Variants in TBCK observed in about 807,000 individuals in gnomAD.
TBCK encodes the protein TBC1 domain containing kinase, also known as TBC domain-containing protein kinase-like protein.
In TBCK, 99 loss-of-function variants were observed where a neutral mutation model predicts 113.4. The observed-to-expected ratio is 0.87, with a 90% CI of 0.74 to 1.03. TBCK has a LOEUF of 1.03. Among genes scored for constraint, TBCK ranks in the 50% least tolerant of loss-of-function variants. The probability of loss-of-function intolerance (pLI) is 0.00; values close to 1 mark genes in which losing one functional copy is unlikely to be tolerated. For missense variants in TBCK, 1,045 were observed against 1,061.3 expected (o/e 0.98, Z 0.21); for synonymous variants, 369 against 370.8 (o/e 1.00, Z 0.05).
chr4:106,295,045 G>T (rs1484828963), intron 3 of TBCK, 49 bp downstream of exon 3: 1 of 1,486,074 alleles, frequency 6.7e-7, no homozygotes, highest in Admixed American at 2.0e-5. Flanking sequence ...ATGCCTTTTT[G>T]TTTGCCAAGT....
chr4:106,261,346 GATTAT>G (rs2150097775), intron 4 of TBCK, among the ~76,000 whole-genome samples: 1 of 152,078 alleles, frequency 6.6e-6, no homozygotes, highest in African/African-American at 2.4e-5. Flanking sequence ...GCATTGGTGT[GATTAT>G]AGCTCACTGC....
At chr4:106,283,837 G>A (rs1764862338) in intron 3 of TBCK, among the ~76,000 whole-genome samples, 1 of 152,030 alleles carries the variant, frequency 6.6e-6, no homozygotes, top group Admixed American at 6.6e-5. Context: ...TAACATAGCA[G>A]AAAAAGTGGG....
At chr4:106,206,197 T>C (rs998137808) in intron 20 of TBCK, among the ~76,000 whole-genome samples, 5 of 152,144 alleles carry the variant, frequency 3.3e-5, no homozygotes, top group African/African-American at 1.2e-4. Flanking sequence ...TTCACCTGTT[T>C]CTGGACAGCA....
At chr4:106,273,698 T>C (rs116239569) in intron 3 of TBCK, among the ~76,000 whole-genome samples, 2,571 of 152,258 alleles carry the variant, frequency 0.017, 34 homozygotes, top group Middle Eastern at 0.099. Flanking sequence ...ATTGAAGTGA[T>C]GTGGCCACAA....
At chr4:106,257,390 C>T (rs1762105236) in intron 5 of TBCK, among the ~76,000 whole-genome samples, 1 of 152,050 alleles carries the variant, frequency 6.6e-6, no homozygotes, top group Non-Finnish European at 1.5e-5. Flanking sequence ...ATTAAGTAGG[C>T]ATTCAAATAT....
chr4:106,178,214 T>C (rs1372824625), intron 22 of TBCK, among the ~76,000 whole-genome samples: 1 of 152,004 alleles, frequency 6.6e-6, no homozygotes, highest in Non-Finnish European at 1.5e-5. Flanking sequence ...TTCTAACAGT[T>C]TTTTGGTGAA....
At chr4:106,120,345 C>T (rs1578958294) in intron 23 of TBCK, among the ~76,000 whole-genome samples, 2 of 152,206 alleles carry the variant, frequency 1.3e-5, no homozygotes, top group East Asian at 3.9e-4. Flanking sequence ...ATTGCTAGCA[C>T]AGCAGTCTGA....
At chr4:106,221,559 T>G (rs905403277) in intron 19 of TBCK, among the ~76,000 whole-genome samples, 5 of 152,044 alleles carry the variant, frequency 3.3e-5, no homozygotes, top group African/African-American at 1.2e-4. Flanking sequence ...CTATGTAATA[T>G]TCTCAGTTAT....
chr4:106,209,400 A>T (rs1755877939), intron 20 of TBCK, among the ~76,000 whole-genome samples: 1 of 152,160 alleles, frequency 6.6e-6, no homozygotes, highest in South Asian at 2.1e-4. Context: ...GACCAATACA[A>T]TAGAAGCCCC....
chr4:106,048,506 C>G (rs1196024998), intron 25 of TBCK, among the ~76,000 whole-genome samples: 1 of 151,964 alleles, frequency 6.6e-6, no homozygotes, highest in Non-Finnish European at 1.5e-5. Flanking sequence ...TCTTACTTCT[C>G]TTTGAACCCC....
At position 106,244,747 on chromosome 4, in the gene TBCK, G is replaced by C; in HGVS notation, c.949C>G (p.Leu317Val). The C allele has an allele frequency of 6.3e-7, 1 of 1,587,968 alleles. No individual in the cohort carries two copies. Among genetic ancestry groups the C allele is most frequent in the South Asian group, 1.1e-5 (1 of 87,096 alleles). ...QLCKDINNDY[L>V]AERSIEEVYY... is the part of the protein sequence containing the mutation. Reference sequence around the variant, plus strand: ...ACTTCTTCAATAGATCTTTCTGCCAGGTAATCATTATTTATATCTATTAAA... The same window carrying C: ...ACTTCTTCAATAGATCTTTCTGCCACGTAATCATTATTTATATCTATTAAA... Residue 317 changes from leucine to valine, a missense_variant, in exon 11 of 26, where the codon CTG (leucine) becomes GTG (valine). Coordinates refer to ENST00000394708, the MANE Select transcript of TBCK (RefSeq NM_001163435.3).
chr4:106,184,928 G>C (rs112201370), intron 22 of TBCK, among the ~76,000 whole-genome samples: 3,962 of 152,114 alleles, frequency 0.026, 157 homozygotes, highest in African/African-American at 0.091. Context: ...TGAGTAGGTA[G>C]ATACTTTGAT....
intron 23 of TBCK, among the ~76,000 whole-genome samples, chr4:106,142,975 T>C (rs554580231): frequency 6.6e-6 from 1 of 152,326 alleles, no homozygotes; most frequent in South Asian, 2.1e-4. Context: ...GAAGCGTGCC[T>C]TTGTTTCAAA....
At chr4:106,315,370 T>C (rs1768693189) in intron 1 of TBCK, among the ~76,000 whole-genome samples, 1 of 152,168 alleles carries the variant, frequency 6.6e-6, no homozygotes, top group African/African-American at 2.4e-5. Flanking sequence ...AAGACGCCGA[T>C]TTTATCATGA....
chr4:106,093,135 GAAGT>G (rs1012563193), intron 25 of TBCK, among the ~76,000 whole-genome samples: 2 of 152,198 alleles, frequency 1.3e-5, no homozygotes, highest in African/African-American at 4.8e-5. Flanking sequence ...TTATAACTTA[GAAGT>G]AATATCCACT....
chr4:106,176,260 C>T (rs1013708693), intron 22 of TBCK, among the ~76,000 whole-genome samples: 1 of 152,008 alleles, frequency 6.6e-6, no homozygotes, highest in Admixed American at 6.6e-5. Context: ...TATTGAACAA[C>T]AGAGCTTATT....
intron 20 of TBCK, 89 bp from the exon 21 acceptor site, chr4:106,194,843 G>T: frequency 8.5e-7 from 1 of 1,174,182 alleles, no homozygotes; most frequent in South Asian, 1.5e-5. Flanking sequence ...AATGGTAAAT[G>T]TAAGTTCTAT....
intron 20 of TBCK, among the ~76,000 whole-genome samples, chr4:106,210,380 C>T (rs1354838422): frequency 6.6e-6 from 1 of 152,114 alleles, no homozygotes; most frequent in Non-Finnish European, 1.5e-5. Context: ...GTTCATGCTG[C>T]TTGCTGTACT....
intron 23 of TBCK, among the ~76,000 whole-genome samples, chr4:106,157,382 C>G (rs538925973): frequency 1.7e-4 from 26 of 152,170 alleles, no homozygotes; most frequent in African/African-American, 6.0e-4. Context: ...CTCCTTAGTC[C>G]ACTCACTTTA....
Sources: allele counts gnomAD v4.1 joint callset (sites outside exome capture counted in the v4.1 genomes callset), GRCh38; gene constraint gnomAD v4.1.1; transcripts MANE v1.5; gene names NCBI Gene and HGNC (gene_info 2026-07-23, HGNC 2026-07-21).